Variants in ZFYVE27 observed in about 807,000 individuals in gnomAD.
ZFYVE27 encodes zinc finger FYVE-type containing 27.
ZFYVE27 carries 36 observed loss-of-function variants against 52.8 expected under a neutral mutation model. That is an observed-to-expected ratio of 0.68 (90% CI 0.52 to 0.90). The LOEUF is 0.90. Among genes scored for constraint, ZFYVE27 ranks in the 40% least tolerant of loss-of-function variants. The probability of loss-of-function intolerance (pLI) is 0.00; values close to 1 mark genes in which losing one functional copy is unlikely to be tolerated. For synonymous variants in ZFYVE27, 223 were observed against 215.6 expected, an observed-to-expected ratio of 1.03 and a Z score of -0.30; for missense variants, 450 against 527.2, an observed-to-expected ratio of 0.85 and a Z score of 1.43.
chr10:97,749,885 C>T (rs1037981551), intron 6 of ZFYVE27: 1 of 422,130 alleles, frequency 2.4e-6, no homozygotes, highest in African/African-American at 2.0e-5. Context: ...GGATGTTTTT[C>T]CCAAAGCTGC....
At chr10:97,753,233 T>C (rs2047466162) in intron 10 of ZFYVE27, 51 bp downstream of exon 10, 1 of 1,582,320 alleles carries the variant, frequency 6.3e-7, no homozygotes, top group Admixed American at 1.8e-5. Flanking sequence ...GGTGGACTTC[T>C]GGGACTCTAG....
rs2049266248 is a variant in ZFYVE27, at chr10:97,760,086, T to C, written c.*786T>C. On this transcript the variant is annotated 3_prime_UTR_variant, in exon 13 of 13. Transcript: ENST00000684270. Reference sequence around the variant, plus strand: ...CTCCGCTGGAGCAGCTGCAGGGCACTTGGATCACAACTTCTGCACCCTCTG... The same window carrying C: ...CTCCGCTGGAGCAGCTGCAGGGCACCTGGATCACAACTTCTGCACCCTCTG... 6.5e-6 allele frequency: 1 copy of C among 153,254 alleles called. No individual in the cohort carries two copies. Among genetic ancestry groups the C allele is most frequent in the Admixed American group, 6.5e-5 (1 of 15,418 alleles). The allele number at this position is 153,254 out of a possible 1,614,324, so 9.5% of individuals were successfully genotyped here. A position where few individuals can be genotyped will look rare whatever the true frequency, so the allele number is the denominator to read the frequency against.
At chr10:97,743,053 G>A in intron 2 of ZFYVE27, 41 bp from the exon 3 acceptor site, 1 of 1,608,884 alleles carries the variant, frequency 6.2e-7, no homozygotes, top group Non-Finnish European at 8.5e-7. Context: ...CCCAGCTGGA[G>A]GAGTGACTCT....
At chr10:97,743,373 T>G (rs1438419784) in intron 3 of ZFYVE27, among the ~76,000 whole-genome samples, 1 of 152,196 alleles carries the variant, frequency 6.6e-6, no homozygotes, top group African/African-American at 2.4e-5. Flanking sequence ...TGAACTTCCC[T>G]GTTAAGGCCT....
chr10:97,758,855 C>G (rs915872211), intron 12 of ZFYVE27, among the ~76,000 whole-genome samples: 4 of 152,166 alleles, frequency 2.6e-5, no homozygotes, highest in African/African-American at 9.7e-5. Context: ...CATCTCGGCT[C>G]ACTGCAACCT....
rs529980237 is a variant in ZFYVE27 at position 97,756,809 on chromosome 10, G to A, written c.1043-456G>A. On this transcript the variant is annotated intron_variant, in intron 10 of 12. Coordinates refer to ENST00000684270, the MANE Select transcript of ZFYVE27 (RefSeq NM_001385875.1). Reference sequence around the variant, plus strand: ...GAGTTTCTCTCCTGCAGTCTTCAGGGGACAGAAAGCAGGAGTTTAGGTTTT... The same window carrying A: ...GAGTTTCTCTCCTGCAGTCTTCAGGAGACAGAAAGCAGGAGTTTAGGTTTT... 9.8e-5 allele frequency among the ~76,000 whole-genome samples: 15 copies of A among 152,312 alleles called. No individual in the cohort carries two copies. In the East Asian group the frequency reaches 2.7e-3, roughly 27 times the overall value.
intron 10 of ZFYVE27, among the ~76,000 whole-genome samples, chr10:97,755,832 A>C (rs574729435): frequency 6.6e-6 from 1 of 152,242 alleles, no homozygotes; most frequent in South Asian, 2.1e-4. Flanking sequence ...ACTGGGCCTT[A>C]GTGCCCCTGC....
In ZFYVE27 at chr10:97,760,890, A is replaced by G. The variant is rs1172091478; in HGVS notation, c.*1590A>G. On this transcript the variant is annotated 3_prime_UTR_variant, in exon 13 of 13. Coordinates refer to ENST00000684270, the MANE Select transcript of ZFYVE27 (RefSeq NM_001385875.1). ...GAGAATTGTCAATAAAAAGGCCTCAAGCTTCTTGTTTTTGTCATGTCTTTG... is the reference window on the plus strand; with the variant it reads ...GAGAATTGTCAATAAAAAGGCCTCAGGCTTCTTGTTTTTGTCATGTCTTTG... 1.3e-5 allele frequency: 2 copies of G among 152,288 alleles called. No individual in the cohort carries two copies. Among genetic ancestry groups the G allele is most frequent in the Admixed American group, 6.5e-5 (1 of 15,286 alleles). 9.4% of individuals were successfully genotyped at this position (152,288 alleles called of 1,614,324 possible). A position where few individuals can be genotyped will look rare whatever the true frequency, so the allele number is the denominator to read the frequency against.
rs2046969048 is a variant in ZFYVE27 at position 97,751,411 on chromosome 10, G to A, written c.825G>A (p.Val275=). 6.2e-7 allele frequency: 1 copy of A among 1,613,850 alleles called. No individual in the cohort carries two copies. Among genetic ancestry groups the A allele is most frequent in the Admixed American group, 1.7e-5 (1 of 59,998 alleles). ...CCCAGGACCTCACACCGGGCAGCGT[G>A]GAGGAGGCTGAGGAGGCTGAGCCAG... ...TPTEDLTPGS[V]EEAEEAEPDE... The change falls in exon 8 of 13, where the codon GTG becomes GTA. Residue 275 remains valine, a synonymous_variant. Coordinates refer to ENST00000684270, the MANE Select transcript of ZFYVE27 (RefSeq NM_001385875.1).
chr10:97,744,856 G>A lies in ZFYVE27; in HGVS notation c.396G>A (p.Gln132=), dbSNP rs2136048324. ...LMRRKYHSVR[Q]EDLQRGRLSR... ...GGAGGAAGTATCATAGCGTGAGGCA[G>A]GAGGACCTGCAGAGAGGTCGCCTGT... Residue 132 remains glutamine, a synonymous_variant, in exon 4 of 13, where the codon CAG becomes CAA. Transcript: ENST00000684270. The A allele has an allele frequency of 6.2e-7, 1 of 1,612,472 alleles. No individual in the cohort carries two copies. The highest frequency in any genetic ancestry group is 1.3e-5 in the African/African-American group (1 of 75,064).
At chr10:97,749,707 C>G (rs2046414690) in intron 6 of ZFYVE27, 121 bp downstream of exon 6, 2 of 786,682 alleles carry the variant, frequency 2.5e-6, no homozygotes, top group Non-Finnish European at 4.5e-6. Context: ...AAGTGCAACA[C>G]CACACTGGGG....
intron 2 of ZFYVE27, among the ~76,000 whole-genome samples, chr10:97,739,292 C>T (rs1264464485): frequency 6.6e-6 from 1 of 151,564 alleles, no homozygotes; most frequent in African/African-American, 2.4e-5. Context: ...TGGTCTTGAA[C>T]TGTTGGGCTC....
chr10:97,752,810 CTT>C, intron 8 of ZFYVE27, 45 bp from the exon 9 acceptor site: 1 of 1,601,402 alleles, frequency 6.2e-7, no homozygotes, highest in Non-Finnish European at 8.5e-7. Context: ...TTCTTGCTAT[CTT>C]TTTCTTTCTG....
intron 10 of ZFYVE27, among the ~76,000 whole-genome samples, chr10:97,753,691 C>T (rs540823769): frequency 2.0e-5 from 3 of 152,264 alleles, no homozygotes; most frequent in East Asian, 1.9e-4. Flanking sequence ...GTAGTACTTA[C>T]GAAGGGCTAG....
intron 7 of ZFYVE27, among the ~76,000 whole-genome samples, chr10:97,751,070 C>A (rs562477099): frequency 6.6e-6 from 1 of 152,154 alleles, no homozygotes; most frequent in Non-Finnish European, 1.5e-5. Context: ...AGATCATTCT[C>A]ATTTGTGGAA....
At position 97,750,480 on chromosome 10, in the gene ZFYVE27, A is replaced by G; in HGVS notation, c.804+10A>G. ...CCTCACACCCACGGAGGTAAGTGCCACTGTCAGGGCAGAGCCTGCTGTGGC... is the reference window on the plus strand; with the variant it reads ...CCTCACACCCACGGAGGTAAGTGCCGCTGTCAGGGCAGAGCCTGCTGTGGC... On this transcript the variant is annotated intron_variant, in intron 7 of 12. Coordinates refer to ENST00000684270, the MANE Select transcript of ZFYVE27 (RefSeq NM_001385875.1). The G allele has an allele frequency of 6.2e-7, 1 of 1,613,890 alleles. No individual in the cohort carries two copies. Among genetic ancestry groups the G allele is most frequent in the Non-Finnish European group, 8.5e-7 (1 of 1,180,020 alleles).
chr10:97,746,191 G>A (rs992721559), intron 4 of ZFYVE27, among the ~76,000 whole-genome samples: 1 of 151,776 alleles, frequency 6.6e-6, no homozygotes, highest in Non-Finnish European at 1.5e-5. Context: ...TGGGATTACA[G>A]GCATGTGCCA....
intron 2 of ZFYVE27, among the ~76,000 whole-genome samples, chr10:97,741,147 C>G (rs1281242765): frequency 1.3e-5 from 2 of 152,130 alleles, no homozygotes; most frequent in South Asian, 4.1e-4. Context: ...AGTAAAAGCC[C>G]CTTTACACTG....
intron 12 of ZFYVE27, chr10:97,758,005 C>T: frequency 2.9e-6 from 1 of 350,294 alleles, no homozygotes; most frequent in East Asian, 5.1e-5. Flanking sequence ...ACCCCCGCAG[C>T]TCCCAGCACT....
Sources: gnomAD v4.1 joint callset for allele counts (sites outside exome capture counted in the v4.1 genomes callset) on GRCh38, gnomAD v4.1.1 for gene constraint, MANE v1.5 for transcripts, NCBI Gene and HGNC (gene_info 2026-07-23, HGNC 2026-07-21) for gene names.